The following OTC variants were observed in gnomAD, a reference collection of about 807,000 sequenced individuals.
OTC encodes the protein ornithine transcarbamylase, mitochondrial.
Under a neutral mutation model 30.3 loss-of-function variants are expected in OTC, and 3 were observed. The ratio of observed to expected loss-of-function variants is 0.10; its 90% CI spans 0.05 to 0.26. The LOEUF (loss-of-function observed/expected upper bound fraction) is 0.26. Ranked by LOEUF, OTC falls within the 10% of genes least tolerant of loss-of-function variation. The pLI is 1.00. For synonymous variants in OTC, 111 were observed against 99.7 expected, an observed-to-expected ratio of 1.11 and a Z score of -0.67; for missense variants, 194 against 260.3, an observed-to-expected ratio of 0.75 and a Z score of 1.75.
At chrX:38,330,507 G>A in the OTC span, among the ~76,000 whole-genome samples, 2 of 112,191 alleles carry the variant, frequency 1.8e-5, no homozygotes, top group Non-Finnish European at 3.8e-5. Context: ...TTGGGAAGAA[G>A]AATCTGAGGT....
the OTC span, among the ~76,000 whole-genome samples, chrX:38,342,392 G>A: frequency 1.8e-5 from 2 of 111,147 alleles, no homozygotes; most frequent in Non-Finnish European, 3.8e-5. Flanking sequence ...TTTATTTGTA[G>A]GAAAGTGATT....
intron 4 of OTC, among the ~76,000 whole-genome samples, chrX:38,392,101 G>T (rs59502281): frequency 0.18 from 19,542 of 111,218 alleles, 1,558 homozygotes; most frequent in Middle Eastern, 0.27. Flanking sequence ...AAAATAGGTT[G>T]AACACATGTT....
intron 4 of OTC, among the ~76,000 whole-genome samples, chrX:38,391,816 C>T (rs1246297454): frequency 9.0e-6 from 1 of 111,148 alleles, no homozygotes; most frequent in Non-Finnish European, 1.9e-5. Context: ...AGACTTGGGG[C>T]ATTTTCAATT....
At chrX:38,369,514 ATTTT>A (rs11313102) in intron 2 of OTC, among the ~76,000 whole-genome samples, 1 of 92,236 alleles carries the variant, frequency 1.1e-5, no homozygotes. Context: ...CTCCAGGCTA[ATTTT>A]TTTTTTTTTT....
chrX:38,392,047 G>A (rs1289579127), intron 4 of OTC, among the ~76,000 whole-genome samples: 3 of 111,417 alleles, frequency 2.7e-5, no homozygotes, highest in African/African-American at 9.8e-5. Context: ...TAAACAGTAG[G>A]AAAAGAGATG....
chrX:38,336,334 TTACTC>T, the OTC span, among the ~76,000 whole-genome samples: 1,124 of 109,193 alleles, frequency 0.01, 17 homozygotes, highest in African/African-American at 0.036. Context: ...AATTCTGACT[TTACTC>T]TACTCCCTCC....
chrX:38,330,683 A>G, the OTC span, among the ~76,000 whole-genome samples: 5 of 111,973 alleles, frequency 4.5e-5, no homozygotes, highest in African/African-American at 1.6e-4. Flanking sequence ...CAATGCACAC[A>G]CATCTTCAAG....
At chrX:38,359,667 C>T (rs754946892) in intron 1 of OTC, among the ~76,000 whole-genome samples, 19 of 110,793 alleles carry the variant, frequency 1.7e-4, no homozygotes, top group East Asian at 8.6e-4. Context: ...GTGATCTGCC[C>T]GCCTCAGCCT....
chrX:38,405,158 G>C (rs1375505181), intron 6 of OTC, among the ~76,000 whole-genome samples: 1 of 111,328 alleles, frequency 9.0e-6, no homozygotes, highest in Non-Finnish European at 1.9e-5. Flanking sequence ...CCTCTGAGTA[G>C]ATCACCAACA....
At chrX:38,384,927 A>G (rs2068394900) in intron 4 of OTC, among the ~76,000 whole-genome samples, 1 of 112,265 alleles carries the variant, frequency 8.9e-6, no homozygotes, top group Admixed American at 9.5e-5. Flanking sequence ...TAGTTATTGA[A>G]TGCCTCATTT....
At chrX:38,406,457 A>G (rs17144938) in intron 6 of OTC, among the ~76,000 whole-genome samples, 7,174 of 111,635 alleles carry the variant, frequency 0.064, 615 homozygotes, top group African/African-American at 0.22. Flanking sequence ...TTTAAAATTT[A>G]TGTAAAGGCT....
chrX:38,370,203 T>C (rs1409837169), intron 3 of OTC, among the ~76,000 whole-genome samples: 1 of 112,715 alleles, frequency 8.9e-6, no homozygotes, highest in Non-Finnish European at 1.9e-5. Flanking sequence ...TCTATTTTTC[T>C]AGCATGCAAA....
intron 4 of OTC, among the ~76,000 whole-genome samples, chrX:38,394,845 C>T (rs1201465643): frequency 9.1e-6 from 1 of 109,985 alleles, no homozygotes; most frequent in Non-Finnish European, 1.9e-5. Context: ...AGGACTTGGG[C>T]ACAATGTACA....
At chrX:38,355,138 C>T (rs563083510) in intron 1 of OTC, among the ~76,000 whole-genome samples, 3 of 111,715 alleles carry the variant, frequency 2.7e-5, no homozygotes, top group Non-Finnish European at 5.6e-5. Flanking sequence ...GCGGTCATAT[C>T]GCCATGGACA....
intron 6 of OTC, among the ~76,000 whole-genome samples, chrX:38,405,713 C>T (rs150384352): frequency 0.017 from 1,872 of 111,547 alleles, 32 homozygotes; most frequent in African/African-American, 0.056. Context: ...AGAGATGACC[C>T]TTACAACAGA....
intron 2 of OTC, among the ~76,000 whole-genome samples, chrX:38,367,883 A>T (rs2147323931): frequency 9.1e-6 from 1 of 110,027 alleles, no homozygotes; most frequent in South Asian, 4.0e-4. Context: ...ACACCTGGCT[A>T]ATTTTTGTAT....
chrX:38,402,593 C>T (rs1457070506), intron 5 of OTC, among the ~76,000 whole-genome samples: 1 of 111,496 alleles, frequency 9.0e-6, no homozygotes, highest in East Asian at 2.8e-4. Flanking sequence ...ATAAAACAAA[C>T]ATTCATGTGT....
intron 4 of OTC, among the ~76,000 whole-genome samples, chrX:38,391,521 ATT>A (rs1329112963): frequency 3.4e-4 from 38 of 111,651 alleles, no homozygotes; most frequent in African/African-American, 1.1e-3. Flanking sequence ...TTGAGTTAGA[ATT>A]GGTCTTGCTA....
chrX:38,351,345 A>G (rs1227943899), upstream of OTC, among the ~76,000 whole-genome samples: 1 of 111,919 alleles, frequency 8.9e-6, no homozygotes, highest in Non-Finnish European at 1.9e-5. Context: ...AGTCATATAA[A>G]TTGACCAGAA....
Sources: allele counts gnomAD v4.1 joint callset (sites outside exome capture counted in the v4.1 genomes callset), GRCh38; gene constraint gnomAD v4.1.1; transcripts MANE v1.5; gene names NCBI Gene and HGNC (gene_info 2026-07-23, HGNC 2026-07-21).